MAP3K13: variants seen among roughly 807,000 people sequenced by gnomAD.
The protein encoded by MAP3K13 is leucine zipper-bearing kinase.
Under a neutral mutation model 104.0 loss-of-function variants are expected in MAP3K13, and 52 were observed. The ratio of observed to expected loss-of-function variants is 0.50; its 90% CI spans 0.40 to 0.63. The LOEUF (loss-of-function observed/expected upper bound fraction) is 0.63. MAP3K13 is among the 20% of genes least tolerant of loss of function. The probability of loss-of-function intolerance (pLI) is 0.00; values close to 1 mark genes in which losing one functional copy is unlikely to be tolerated. For synonymous variants in MAP3K13, 394 were observed against 442.2 expected, an observed-to-expected ratio of 0.89 and a Z score of 1.37; for missense variants, 914 against 1,218.5, an observed-to-expected ratio of 0.75 and a Z score of 3.72.
At chr3:185,324,042 G>C (rs1349596616) in intron 2 of MAP3K13, among the ~76,000 whole-genome samples, 1 of 151,970 alleles carries the variant, frequency 6.6e-6, no homozygotes, top group Non-Finnish European at 1.5e-5. Context: ...ACGGAGTCTT[G>C]CTCTGTCGCC....
chr3:185,324,270 G>C (rs1016011270), intron 2 of MAP3K13, among the ~76,000 whole-genome samples: 1 of 151,874 alleles, frequency 6.6e-6, no homozygotes, highest in South Asian at 2.1e-4. Context: ...CGCCTGCCTC[G>C]GCCTCCCAAA....
chr3:185,455,010 T>G (rs1716349018), intron 7 of MAP3K13, among the ~76,000 whole-genome samples: 1 of 92,254 alleles, frequency 1.1e-5, no homozygotes, highest in African/African-American at 3.8e-5. Flanking sequence ...ATATATGAGA[T>G]ATATATGATA....
At chr3:185,415,911 C>T (rs974730918) in intron 1 of MAP3K13, among the ~76,000 whole-genome samples, 1 of 152,080 alleles carries the variant, frequency 6.6e-6, no homozygotes, top group Non-Finnish European at 1.5e-5. Flanking sequence ...ACTACAACTA[C>T]GTAGTATTAA....
chr3:185,362,575 T>C (rs1723673999), upstream of MAP3K13, among the ~76,000 whole-genome samples: 1 of 152,194 alleles, frequency 6.6e-6, no homozygotes, highest in African/African-American at 2.4e-5. Flanking sequence ...ATTCGTGTAA[T>C]ATTATTTTCC....
In MAP3K13 at chr3:185,457,775, T is replaced by A. The variant is rs73885716; in HGVS notation, c.1279-5775T>A. Among the ~76,000 whole-genome samples the A allele has an allele frequency of 7.8e-3, 1,190 of 152,282 alleles. 15 individuals carry two copies. Among genetic ancestry groups the A allele is most frequent in the African/African-American group, 0.028 (1,143 of 41,552 alleles). On this transcript the variant is annotated intron_variant, in intron 7 of 13. Coordinates refer to ENST00000265026, the MANE Select transcript of MAP3K13 (RefSeq NM_004721.5). ...TCTGCTATTTTGCTACCTCCTAGAA[T>A]TTTCTCGGTATTTATAAGTCAATTT... is the stretch of plus-strand genomic sequence containing the variant.
At chr3:185,464,733 C>T (rs1014655969) in intron 8 of MAP3K13, among the ~76,000 whole-genome samples, 1 of 152,142 alleles carries the variant, frequency 6.6e-6, no homozygotes, top group African/African-American at 2.4e-5. Flanking sequence ...AATGCTATAA[C>T]GAACTTTAGA....
intron 1 of MAP3K13, among the ~76,000 whole-genome samples, chr3:185,384,826 T>A (rs1711587802): frequency 6.6e-6 from 1 of 152,210 alleles, no homozygotes; most frequent in South Asian, 2.1e-4. Flanking sequence ...TGTTGAGTTG[T>A]TTGTATATTC....
chr3:185,473,690 G>A lies in MAP3K13; in HGVS notation c.2359G>A (p.Glu787Lys). 1.9e-6 allele frequency: 3 copies of A among 1,614,144 alleles called. No homozygotes were observed. In the South Asian group the frequency reaches 3.3e-5, roughly 18 times the overall value. Residue 787 changes from glutamate (E) to lysine (K), a missense_variant, in exon 11 of 14, where the codon GAG (glutamate) becomes AAG (lysine). Glu to Lys is a moderately conservative substitution (Grantham distance 56, BLOSUM62 1). This residue lies in a region of MAP3K13 where 583 missense variants were observed against 737.4 expected (regional missense o/e 0.79). Coordinates refer to ENST00000265026, the MANE Select transcript of MAP3K13 (RefSeq NM_004721.5). This position sits in a 1 kb window ranked among gnomAD's most constrained non-coding sequence, Gnocchi z 4.9. ...AAATGAATTCAGCGGCTGTAGGTCTGAGTCATCCCTCGGCACCTCTCATCT... is the reference window on the plus strand; with the variant it reads ...AAATGAATTCAGCGGCTGTAGGTCTAAGTCATCCCTCGGCACCTCTCATCT... ...EENEFSGCRS[E>K]SSLGTSHLGT...
intron 2 of MAP3K13, among the ~76,000 whole-genome samples, chr3:185,430,723 C>CA (rs1027429547): frequency 6.6e-6 from 1 of 151,780 alleles, no homozygotes; most frequent in Admixed American, 6.6e-5. Context: ...AGGTAAGCTC[C>CA]AAAAAAATTT....
At position 185,454,835 on chromosome 3, in the gene MAP3K13, GAT is replaced by G. The variant is rs1326253218; in HGVS notation, c.1278+3449_1278+3450del. ...TGATATATATATGAGATATATACAT[GAT>G]ATATATATGAGATATATACATGATA... On this transcript the variant is annotated intron_variant, in intron 7 of 13. Transcript: ENST00000265026. Among the ~76,000 whole-genome samples the G allele has an allele frequency of 1.3e-4, 11 of 84,696 alleles. 1 individual carries two copies. The South Asian group carries it at 1.5e-3, about 11-fold the overall frequency. The allele number at this position is 84,696 out of a possible 152,430, so 55.6% of individuals were successfully genotyped here. A position where few individuals can be genotyped will look rare whatever the true frequency, so the allele number is the denominator to read the frequency against.
At chr3:185,424,867 C>G (rs1714326216) in intron 1 of MAP3K13, among the ~76,000 whole-genome samples, 2 of 152,094 alleles carry the variant, frequency 1.3e-5, no homozygotes, top group Admixed American at 1.3e-4. Flanking sequence ...CTCTGTTGCC[C>G]AGCCTGGAGT....
At chr3:185,290,528 G>A (rs543406556) in intron 2 of MAP3K13, among the ~76,000 whole-genome samples, 4 of 152,272 alleles carry the variant, frequency 2.6e-5, no homozygotes, top group East Asian at 3.9e-4. Context: ...GATAAAGCCC[G>A]GGTCCTGGTA....
chr3:185,450,075 TAA>T lies in MAP3K13; in HGVS notation c.1169+20_1169+21del. On this transcript the variant is annotated intron_variant, in intron 6 of 13. Coordinates refer to ENST00000265026, the MANE Select transcript of MAP3K13 (RefSeq NM_004721.5). The surrounding 1 kb of genome is among the most constrained non-coding windows in gnomAD (Gnocchi z 4.2). ...ACAGACGTGGTAAGAATATTGTCTC[TAA>T]AACAATAGGGAGGTCTCTAATGTGT... 1 of 1,592,284 alleles carries T rather than the reference TAA, an allele frequency of 6.3e-7. No individual in the cohort carries two copies. The highest frequency in any genetic ancestry group is 8.5e-7 in the Non-Finnish European group (1 of 1,169,826).
At chr3:185,393,758 T>C (rs1343847831) in intron 1 of MAP3K13, among the ~76,000 whole-genome samples, 1 of 152,062 alleles carries the variant, frequency 6.6e-6, no homozygotes, top group African/African-American at 2.4e-5. Flanking sequence ...CGCCCAGCCG[T>C]AAATATCTTA....
At chr3:185,360,941 C>T (rs1723582904), upstream of MAP3K13, among the ~76,000 whole-genome samples, 1 of 150,910 alleles carries the variant, frequency 6.6e-6, no homozygotes, top group Non-Finnish European at 1.5e-5. Flanking sequence ...ATTCTCATGC[C>T]TCAGCTTCCC....
Position 185,420,088 on chromosome 3 carries a change from C to T in MAP3K13, c.-85-8409C>T, listed in dbSNP as rs191682961. Among the ~76,000 whole-genome samples, 121 of 152,046 alleles carry T rather than the reference C, an allele frequency of 8.0e-4. 1 individual carries two copies. Among genetic ancestry groups the T allele is most frequent in the Middle Eastern group, 3.4e-3 (1 of 294 alleles). ...ATTATTAAACATTCATAATCTTAAC[C>T]GAAAATATAGGTACATGGTAAACAT... On this transcript the variant is annotated intron_variant, in intron 1 of 13. Coordinates refer to ENST00000265026, the MANE Select transcript of MAP3K13 (RefSeq NM_004721.5).
At chr3:185,358,645 G>A (rs1157921721), upstream of MAP3K13, among the ~76,000 whole-genome samples, 3 of 144,294 alleles carry the variant, frequency 2.1e-5, no homozygotes, top group Non-Finnish European at 4.6e-5. Flanking sequence ...GAGAAAAATG[G>A]CAGTATTAAT....
At chr3:185,383,884 A>C (rs1313204138) in intron 1 of MAP3K13, among the ~76,000 whole-genome samples, 1 of 152,240 alleles carries the variant, frequency 6.6e-6, no homozygotes, top group Admixed American at 6.5e-5. Context: ...CATGTATATA[A>C]TGTGTGATCG....
intron 1 of MAP3K13, among the ~76,000 whole-genome samples, chr3:185,387,805 C>G (rs570028881): frequency 6.6e-5 from 10 of 152,144 alleles, no homozygotes; most frequent in African/African-American, 2.4e-4. Context: ...CATGGGAAGT[C>G]CTAGCCTGAG....
Sources: allele counts gnomAD v4.1 joint callset (sites outside exome capture counted in the v4.1 genomes callset), GRCh38; gene constraint gnomAD v4.1.1; regional missense constraint gnomAD v4.1.1; non-coding constraint Gnocchi (gnomAD v3.1); transcripts MANE v1.5; gene names NCBI Gene and HGNC (gene_info 2026-07-23, HGNC 2026-07-21).